The following WDR26 variants were observed in gnomAD, a reference collection of about 807,000 sequenced individuals.
WDR26 encodes the protein WD repeat-containing protein 26.
In WDR26, 5 loss-of-function variants were observed where a neutral mutation model predicts 84.1. The observed-to-expected ratio is 0.06, with a 90% CI of 0.03 to 0.13. The LOEUF is 0.13. Among genes scored for constraint, WDR26 ranks in the 10% least tolerant of loss-of-function variants. The pLI, the probability that WDR26 is intolerant of heterozygous loss-of-function variation, is 1.00. For synonymous variants in WDR26, 415 were observed against 389.6 expected (o/e 1.07, Z -0.77); for missense variants, 642 against 974.9 (o/e 0.66, Z 4.55).
chr1:224,410,503 G>A (rs941933330), intron 7 of WDR26, among the ~76,000 whole-genome samples: 1 of 151,778 alleles, frequency 6.6e-6, no homozygotes, highest in African/African-American at 2.4e-5. Flanking sequence ...TGATTTTAGA[G>A]GGAACTTACA....
At position 224,388,198 on chromosome 1, in the gene WDR26, A is replaced by G. The variant is rs1321446521; in HGVS notation, c.*1637T>C. The G allele has an allele frequency of 6.6e-6, 1 of 152,198 alleles. No homozygotes were observed. Among genetic ancestry groups the G allele is most frequent in the Non-Finnish European group, 1.5e-5 (1 of 68,020 alleles). 9.4% of individuals were successfully genotyped at this position (152,198 alleles called of 1,614,324 possible). A position where few individuals can be genotyped will look rare whatever the true frequency, so the allele number is the denominator to read the frequency against. ...ACAATGGAAGAATTTTTGACATCCA[A>G]GCCCTCTTCTCTTTGTGGATTCTGG... On this transcript the variant is annotated 3_prime_UTR_variant, in exon 14 of 14. Transcript: ENST00000414423.
chr1:224,407,141 A>ATATATAT (rs1553355668), intron 7 of WDR26, among the ~76,000 whole-genome samples: 1 of 35,598 alleles, frequency 2.8e-5, no homozygotes, highest in African/African-American at 1.2e-4. Context: ...AAAAAAAAAA[A>ATATATAT]AAAAAAAAAA....
chr1:224,403,286 G>A (rs182312245), intron 8 of WDR26, among the ~76,000 whole-genome samples: 132 of 152,110 alleles, frequency 8.7e-4, no homozygotes, highest in Non-Finnish European at 1.6e-4. Context: ...TCCTGACCTC[G>A]TGATTTACCC....
chr1:224,411,576 G>C lies in WDR26; in HGVS notation c.1320-11C>G. ...CATGGGAACTGCCTCCTAAAACAAA[G>C]AGGTCCACAAATTATTCTTTCAAAA... On this transcript the variant is annotated splice_polypyrimidine_tract_variant and intron_variant, in intron 6 of 13. Coordinates refer to ENST00000414423, the MANE Select transcript of WDR26 (RefSeq NM_001379403.1). 1.3e-6 allele frequency: 2 copies of C among 1,575,346 alleles called. No individual in the cohort carries two copies. The highest frequency in any genetic ancestry group is 1.7e-6 in the Non-Finnish European group (2 of 1,163,554).
chr1:224,431,304 T>C (rs1674384156), intron 3 of WDR26, 173 bp downstream of exon 3: 3 of 557,552 alleles, frequency 5.4e-6, no homozygotes, highest in East Asian at 5.9e-5. Context: ...CTAAGTATGA[T>C]TTTAAAGAAA....
chr1:224,401,702 G>GAAAAAAAAAAAAAAA (rs5781368), intron 8 of WDR26, among the ~76,000 whole-genome samples: 1 of 97,768 alleles, frequency 1.0e-5, no homozygotes, highest in Non-Finnish European at 1.9e-5. Flanking sequence ...AAAAAAAAAA[G>GAAAAAAAAAAAAAAA]AAAAAAGAAA....
chr1:224,416,483 C>T (rs1673908491), intron 6 of WDR26, among the ~76,000 whole-genome samples: 1 of 152,234 alleles, frequency 6.6e-6, no homozygotes, highest in Non-Finnish European at 1.5e-5. Flanking sequence ...ACCTCAGCCT[C>T]CCATAGTGCT....
intron 13 of WDR26, among the ~76,000 whole-genome samples, chr1:224,392,088 G>A (rs1310202147): frequency 2.6e-5 from 4 of 152,088 alleles, no homozygotes; most frequent in South Asian, 2.1e-4. Context: ...CTGGCTGGTC[G>A]CGGTGGCTCA....
chr1:224,394,109 G>C (rs1290233388), intron 12 of WDR26, 96 bp from the exon 13 acceptor site: 3 of 883,738 alleles, frequency 3.4e-6, no homozygotes, highest in Non-Finnish European at 4.7e-6. Flanking sequence ...CTCTTTACTA[G>C]AACTTAAAGG....
intron 9 of WDR26, 73 bp from the exon 10 acceptor site, chr1:224,399,107 T>TC: frequency 7.5e-7 from 1 of 1,327,304 alleles, no homozygotes; most frequent in South Asian, 1.9e-5. Flanking sequence ...ACCAAAAGAC[T>TC]CCCTTCACAA....
At chr1:224,421,907 T>C (rs894175264) in intron 4 of WDR26, among the ~76,000 whole-genome samples, 7 of 152,228 alleles carry the variant, frequency 4.6e-5, no homozygotes, top group Non-Finnish European at 8.8e-5. Flanking sequence ...ACTTAACTTC[T>C]TTGAGGCTCA....
chr1:224,389,730 G>A lies in WDR26; in HGVS notation c.*105C>T. The A allele has an allele frequency of 8.6e-7, 1 of 1,168,264 alleles. No individual in the cohort carries two copies. Among genetic ancestry groups the A allele is most frequent in the Non-Finnish European group, 1.3e-6 (1 of 785,718 alleles). 72.4% of individuals were successfully genotyped at this position (1,168,264 alleles called of 1,614,324 possible). On this transcript the variant is annotated 3_prime_UTR_variant, in exon 14 of 14. Transcript: ENST00000414423. Reference sequence around the variant, plus strand: ...AGAAATGGTTCTTTTTTCATGACGAGCATGTCTGTCCAGCTATCAATCATG... The same window carrying A: ...AGAAATGGTTCTTTTTTCATGACGAACATGTCTGTCCAGCTATCAATCATG...
At chr1:224,428,578 G>A (rs1040986054) in intron 3 of WDR26, among the ~76,000 whole-genome samples, 5 of 151,952 alleles carry the variant, frequency 3.3e-5, no homozygotes, top group East Asian at 1.9e-4. Context: ...CAGAAATGGC[G>A]AAGTATATTT....
chr1:224,391,337 T>C (rs1235870257), intron 13 of WDR26, among the ~76,000 whole-genome samples: 12 of 124,258 alleles, frequency 9.7e-5, no homozygotes, highest in African/African-American at 4.0e-4. Context: ...CACTCCAGCC[T>C]GGGCAACAAG....
At chr1:224,424,352 A>G (rs1674151710) in intron 4 of WDR26, among the ~76,000 whole-genome samples, 166 bp downstream of exon 4, 1 of 152,204 alleles carries the variant, frequency 6.6e-6, no homozygotes. Context: ...CCTAATCTGA[A>G]CAGTTTCCTA....
At chr1:224,415,792 G>C (rs961289938) in intron 6 of WDR26, among the ~76,000 whole-genome samples, 2 of 152,166 alleles carry the variant, frequency 1.3e-5, no homozygotes, top group Non-Finnish European at 2.9e-5. Flanking sequence ...GACAGGTAAA[G>C]AAGAAGAGCC....
intron 13 of WDR26, among the ~76,000 whole-genome samples, chr1:224,391,450 A>T (rs1673126297): frequency 1.3e-5 from 2 of 152,062 alleles, no homozygotes; most frequent in Non-Finnish European, 2.9e-5. Flanking sequence ...TCTACTGTTA[A>T]AATTTTTCCC....
At position 224,389,181 on chromosome 1, in the gene WDR26, A is replaced by T. The variant is rs1673058250; in HGVS notation, c.*654T>A. 6.5e-6 allele frequency: 1 copy of T among 153,144 alleles called. No homozygotes were observed. Among genetic ancestry groups the T allele is most frequent in the African/African-American group, 2.4e-5 (1 of 41,454 alleles). 9.5% of individuals were successfully genotyped at this position (153,144 alleles called of 1,614,324 possible). A position where few individuals can be genotyped will look rare whatever the true frequency, so the allele number is the denominator to read the frequency against. ...TTATTTTTAAAAAATTGTGCTGTTA[A>T]CCCTTTTACGGGGCAACAAGCTATG... On this transcript the variant is annotated 3_prime_UTR_variant, in exon 14 of 14. Transcript: ENST00000414423.
chr1:224,433,906 G>A lies in WDR26; in HGVS notation c.500C>T (p.Ala167Val), dbSNP rs1204687504. The change falls in exon 1 of 14, where the codon GCC becomes GTC. Residue 167 changes from alanine to valine, a missense_variant. Physicochemically the swap from Ala to Val is moderately conservative, Grantham distance 64. This residue lies in a region of WDR26 where 291 missense variants were observed against 302.1 expected (regional missense o/e 0.96). Transcript: ENST00000414423. ...ATTCAGGCTGTTGCTATTGTTGCTG[G>A]CGGCGGAGGGGGCGGAAGGCAGGAG... The A allele has an allele frequency of 2.6e-6, 4 of 1,536,610 alleles. No homozygotes were observed. The highest frequency in any genetic ancestry group is 2.0e-5 in the Admixed American group (1 of 50,972).
Sources: allele counts gnomAD v4.1 joint callset (sites outside exome capture counted in the v4.1 genomes callset), GRCh38; gene constraint gnomAD v4.1.1; regional missense constraint gnomAD v4.1.1; transcripts MANE v1.5; gene names NCBI Gene and HGNC (gene_info 2026-07-23, HGNC 2026-07-21).